The following GUCY2D variants were observed in gnomAD, a reference collection of about 807,000 sequenced individuals.
The protein encoded by GUCY2D is retinal guanylyl cyclase 1.
A neutral mutation model predicts 101.3 loss-of-function variants in GUCY2D; 70 were observed. The ratio of observed to expected loss-of-function variants is 0.69; its 90% confidence interval spans 0.57 to 0.84. The LOEUF is 0.84. Among genes scored for constraint, GUCY2D ranks in the 40% least tolerant of loss-of-function variants. The pLI is 0.00. For synonymous variants in GUCY2D, 688 were observed against 670.7 expected (o/e 1.03, Z -0.40); for missense variants, 1,460 against 1,542.5 (o/e 0.95, Z 0.90).
intron 3 of GUCY2D, among the ~76,000 whole-genome samples, 171 bp downstream of exon 3, chr17:8,004,327 G>A (rs1332618464): frequency 6.6e-6 from 1 of 152,172 alleles, no homozygotes; most frequent in African/African-American, 2.4e-5. Context: ...TAGTGTACGA[G>A]GATTGCCTCT....
At chr17:8,009,400 C>G in intron 7 of GUCY2D, 106 bp from the exon 8 acceptor site, 2 of 802,710 alleles carry the variant, frequency 2.5e-6, no homozygotes, top group South Asian at 2.7e-5. Context: ...ATGGAAGATG[C>G]ATTCTGGGAC....
In GUCY2D at chr17:8,012,519, G is replaced by C; in HGVS notation, c.2026G>C (p.Gly676Arg). ...GAAGTCACGGAACTGCATAGTGGATGGCAGATTCGTACTCAAGATCACTGA... is the reference window on the plus strand; with the variant it reads ...GAAGTCACGGAACTGCATAGTGGATCGCAGATTCGTACTCAAGATCACTGA... ...RLKSRNCIVDGRFVLKITDHG... is the reference protein window; with the variant it reads ...RLKSRNCIVDRRFVLKITDHG... Residue 676 changes from glycine (G) to arginine (R), a missense_variant, in exon 10 of 20, where the codon GGC becomes CGC. Gly to Arg is a moderately radical substitution (Grantham distance 125). This residue lies in a region of GUCY2D where 1,196 missense variants were observed against 1,229.6 expected (regional missense o/e 0.97). Transcript: ENST00000254854. 1 of 1,613,816 alleles carries C rather than the reference G, an allele frequency of 6.2e-7. No individual in the cohort carries two copies. Among genetic ancestry groups the C allele is most frequent in the Non-Finnish European group, 8.5e-7 (1 of 1,179,742 alleles).
chr17:8,009,673 C>A lies in GUCY2D; in HGVS notation c.1749+87C>A, dbSNP rs987528018. ...TTTGCAGCTGGGTACAGAGGTAGGT[C>A]TCAGTTAAGTGTCCCCTCTGGCTGA... On this transcript the variant is annotated intron_variant, in intron 8 of 19. Transcript: ENST00000254854. 7.5e-5 allele frequency: 67 copies of A among 892,080 alleles called. No homozygotes were observed. In the African/African-American group the frequency reaches 1.0e-3, roughly 14 times the overall value. 55.3% of individuals were successfully genotyped at this position (892,080 alleles called of 1,614,324 possible). A position where few individuals can be genotyped will look rare whatever the true frequency, so the allele number is the denominator to read the frequency against.
rs906270542 is a variant in GUCY2D at position 8,014,534 on chromosome 17, G to T, written c.2413-67G>T. 5 of 1,447,140 alleles carry T rather than the reference G, an allele frequency of 3.5e-6. No homozygotes were observed. In the Admixed American group the frequency reaches 5.0e-5, roughly 15 times the overall value. The allele number at this position is 1,447,140 out of a possible 1,614,324, so 89.6% of individuals were successfully genotyped here. On this transcript the variant is annotated intron_variant, in intron 12 of 19. Transcript: ENST00000254854. This position sits in a 1 kb window ranked among gnomAD's most constrained non-coding sequence, Gnocchi z 4.0. ...AACAGCCCCATGAGAGGGCCCATGA[G>T]GGGGGCATAAAGAGGGCATGGCAAC... is the stretch of plus-strand genomic sequence containing the variant.
Position 8,003,685 on chromosome 17 carries a change from C to A in GUCY2D, c.638C>A (p.Ala213Asp). ...CTCAGGGCCCGGGGCCTGCCTGTCG[C>A]CTCCGTGACTTCCATGGAGCCCTTG... The part of the protein sequence containing the change: ...TALRARGLPV[A>D]SVTSMEPLDL... Residue 213 changes from alanine (A) to aspartate (D), a missense_variant, in exon 2 of 20, where the codon GCC (alanine) becomes GAC (aspartate). Ala to Asp is a moderately radical substitution (Grantham distance 126, BLOSUM62 -2). Coordinates refer to ENST00000254854, the MANE Select transcript of GUCY2D (RefSeq NM_000180.4). 6.3e-7 allele frequency: 1 copy of A among 1,597,470 alleles called. No individual in the cohort carries two copies. The highest frequency in any genetic ancestry group is 1.7e-4 in the Middle Eastern group (1 of 6,058).
intron 15 of GUCY2D, 116 bp from the exon 16 acceptor site, chr17:8,015,624 TAAC>T: frequency 8.5e-7 from 1 of 1,176,242 alleles, no homozygotes; most frequent in Non-Finnish European, 1.2e-6. Context: ...AGGATGCACT[TAAC>T]AAGGCTTATT....
In GUCY2D at chr17:8,009,507, G is replaced by C. The variant is rs1975808742; in HGVS notation, c.1670G>C (p.Gly557Ala). 1 of 1,610,076 alleles carries C rather than the reference G, an allele frequency of 6.2e-7. No individual in the cohort carries two copies. Among genetic ancestry groups the C allele is most frequent in the Admixed American group, 1.7e-5 (1 of 59,996 alleles). ...CTACCCCCATCCTCTTTGCTGCAGG[G>C]AGACAGGGTTTGGCTGAAGAAATTC... Reference protein sequence around the residue: ...LDSPNIGVYEGDRVWLKKFPG... With the variant: ...LDSPNIGVYEADRVWLKKFPG... Residue 557 changes from glycine to alanine, a missense_variant and splice_region_variant, in exon 8 of 20, where the codon GGA becomes GCA. Gly to Ala is a moderately conservative substitution (Grantham distance 60). This residue lies in a region of GUCY2D where 1,196 missense variants were observed against 1,229.6 expected (regional missense o/e 0.97). Transcript: ENST00000254854.
chr17:8,014,073 C>T lies in GUCY2D; in HGVS notation c.2412+45C>T. The T allele has an allele frequency of 6.4e-7, 1 of 1,568,308 alleles. No individual in the cohort carries two copies. Among genetic ancestry groups the T allele is most frequent in the Non-Finnish European group, 8.7e-7 (1 of 1,144,768 alleles). On this transcript the variant is annotated intron_variant, in intron 12 of 19. Transcript: ENST00000254854. This position sits in a 1 kb window ranked among gnomAD's most constrained non-coding sequence, Gnocchi z 4.0. The stretch of plus-strand genomic sequence containing the variant: ...CAAGGACTGGGCTGGCCTCTGGGAT[C>T]CCAGATGCTTGTCAGCAACCTGAGA...
In GUCY2D at chr17:8,003,663, A is replaced by G; in HGVS notation, c.616A>G (p.Arg206Gly). ...GGGACGCTCACTGTCCACGGCACTC[A>G]GGGCCCGGGGCCTGCCTGTCGCCTC... ...EAGRSLSTALRARGLPVASVT... is the reference protein window; with the variant it reads ...EAGRSLSTALGARGLPVASVT... Residue 206 changes from arginine to glycine, a missense_variant, in exon 2 of 20, where the codon AGG (arginine) becomes GGG (glycine). Arg to Gly is a moderately radical substitution (Grantham distance 125). Coordinates refer to ENST00000254854, the MANE Select transcript of GUCY2D (RefSeq NM_000180.4). The G allele has an allele frequency of 6.3e-7, 1 of 1,595,384 alleles. No homozygotes were observed. Among genetic ancestry groups the G allele is most frequent in the African/African-American group, 1.3e-5 (1 of 74,978 alleles).
At chr17:8,016,123 T>A in intron 17 of GUCY2D, 82 bp from the exon 18 acceptor site, 1 of 1,328,266 alleles carries the variant, frequency 7.5e-7, no homozygotes, top group Non-Finnish European at 1.1e-6. Flanking sequence ...TCTGACCTGG[T>A]CTCCCAGTTC....
rs765048134 is a variant in GUCY2D at position 8,012,454 on chromosome 17, T to C, written c.1961T>C (p.Ile654Thr). 2 of 1,613,932 alleles carry C rather than the reference T, an allele frequency of 1.2e-6. No individual in the cohort carries two copies. Among genetic ancestry groups the C allele is most frequent in the South Asian group, 2.2e-5 (2 of 91,068 alleles). ...TCTTACCCTACCCATTCCAAGGGAA[T>C]AAGGTATCTGCACCATCGAGGCGTG... ...SSLLLDLIKGIRYLHHRGVAH... is the reference protein window; with the variant it reads ...SSLLLDLIKGTRYLHHRGVAH... The change falls in exon 10 of 20, where the codon ATA becomes ACA. Residue 654 changes from isoleucine (I) to threonine (T), a missense_variant. Transcript: ENST00000254854.
At chr17:8,006,837 C>A in intron 4 of GUCY2D, 123 bp downstream of exon 4, 1 of 969,098 alleles carries the variant, frequency 1.0e-6, no homozygotes, top group South Asian at 1.4e-5. Flanking sequence ...CTCTCCCAGC[C>A]TCTGGCTTGC....
intron 7 of GUCY2D, among the ~76,000 whole-genome samples, chr17:8,009,060 C>T (rs1025713124): frequency 6.6e-6 from 1 of 152,204 alleles, no homozygotes; most frequent in Non-Finnish European, 1.5e-5. Flanking sequence ...GCCTGTGAAC[C>T]GGCCCTGCCA....
chr17:8,015,931 C>A lies in GUCY2D; in HGVS notation c.3048C>A (p.Tyr1016Ter). ...ASRMESTGLP[Y>*]RIHVNLSTVG... Reference sequence around the variant, plus strand: ...CGGCGTCCCCCACCGCCACAGCTTACCGCATCCACGTGAACTTGAGCACTG... The same window carrying A: ...CGGCGTCCCCCACCGCCACAGCTTAACGCATCCACGTGAACTTGAGCACTG... The change falls in exon 17 of 20, where the codon TAC becomes TAA. Residue 1016 changes from tyrosine (Y) to a stop codon, truncating the protein, a stop_gained. Coordinates refer to ENST00000254854, the MANE Select transcript of GUCY2D (RefSeq NM_000180.4). LOFTEE classifies it high-confidence loss of function. The A allele has an allele frequency of 6.2e-7, 1 of 1,611,046 alleles. No individual in the cohort carries two copies. The highest frequency in any genetic ancestry group is 8.5e-7 in the Non-Finnish European group (1 of 1,178,820).
chr17:8,015,898 C>G, intron 16 of GUCY2D, 29 bp from the exon 17 acceptor site: 2 of 1,597,424 alleles, frequency 1.3e-6, no homozygotes, highest in Non-Finnish European at 1.7e-6. Flanking sequence ...AGGTGAGTCC[C>G]GAGCTCACGG....
intron 5 of GUCY2D, 75 bp downstream of exon 5, chr17:8,007,219 G>A: frequency 8.4e-7 from 1 of 1,195,076 alleles, no homozygotes; most frequent in Non-Finnish European, 1.3e-6. Context: ...ACAGCAGGCT[G>A]GGTTCACTCA....
Position 8,014,904 on chromosome 17 carries a change from G to A in GUCY2D, c.2622G>A (p.Glu874=). ...AGACGGGGACACCAGTGGAGCCCGA[G>A]TACTTTGAGCAAGTGACACTGTACT... The part of the protein sequence containing the change: ...ALKTGTPVEP[E]YFEQVTLYFS... Residue 874 remains glutamate (E), a synonymous_variant, in exon 14 of 20, where the codon GAG becomes GAA. Transcript: ENST00000254854. This position sits in a 1 kb window ranked among gnomAD's most constrained non-coding sequence, Gnocchi z 4.0. 1 of 1,614,156 alleles carries A rather than the reference G, an allele frequency of 6.2e-7. No homozygotes were observed. The highest frequency in any genetic ancestry group is 8.5e-7 in the Non-Finnish European group (1 of 1,180,024).
Position 8,003,089 on chromosome 17 carries a change from C to T in GUCY2D, c.42C>T (p.Pro14=), listed in dbSNP as rs1442219873. The T allele has an allele frequency of 3.3e-6, 5 of 1,524,662 alleles. No individual in the cohort carries two copies. In the East Asian group the frequency reaches 1.0e-4, roughly 31 times the overall value. The allele number at this position is 1,524,662 out of a possible 1,614,324, so 94.4% of individuals were successfully genotyped here. Residue 14 remains proline, a synonymous_variant, in exon 2 of 20, where the codon CCC becomes CCT. Transcript: ENST00000254854. ...CARRAGGLPD[P]GLCGPAWWAP... is the part of the protein sequence containing the mutation. ...GCCGAGCGGGTGGGCTTCCGGACCC[C>T]GGGCTCTGCGGTCCCGCGTGGTGGG...
Position 8,015,792 on chromosome 17 carries a change from G to C in GUCY2D, c.2994G>C (p.Leu998=), listed in dbSNP as rs757657345. ...GCCTCACCATGCCGCGGTACTGCCT[G>C]TTTGGGGACACGGTCAACACCGCCT... ...VVGLTMPRYC[L]FGDTVNTASR... is the part of the protein sequence containing the mutation. Residue 998 remains leucine, a synonymous_variant, in exon 16 of 20, where the codon CTG becomes CTC. Coordinates refer to ENST00000254854, the MANE Select transcript of GUCY2D (RefSeq NM_000180.4). 7 of 1,612,780 alleles carry C rather than the reference G, an allele frequency of 4.3e-6. No individual in the cohort carries two copies. The highest frequency in any genetic ancestry group is 5.9e-6 in the Non-Finnish European group (7 of 1,179,674).
Sources: allele counts gnomAD v4.1 joint callset (sites outside exome capture counted in the v4.1 genomes callset), GRCh38; gene constraint gnomAD v4.1.1; regional missense constraint gnomAD v4.1.1; non-coding constraint Gnocchi (gnomAD v3.1); transcripts MANE v1.5; gene names NCBI Gene and HGNC (gene_info 2026-07-23, HGNC 2026-07-21).